FABP6: variants seen among roughly 807,000 people sequenced by gnomAD.
The protein encoded by FABP6 is fatty acid binding protein 6, also known as gastrotropin.
Under a neutral mutation model 14.9 loss-of-function variants are expected in FABP6, and 13 were observed. That is an observed-to-expected ratio of 0.87 (90% CI 0.57 to 1.39). FABP6 has a LOEUF of 1.39. Among genes scored for constraint, FABP6 ranks in the 40% most tolerant of loss-of-function variants. FABP6 has a pLI of 0.00. For synonymous variants in FABP6, 75 were observed against 63.6 expected (o/e 1.18, Z -0.85); for missense variants, 161 against 167.2 (o/e 0.96, Z 0.20).
intron 3 of FABP6, among the ~76,000 whole-genome samples, chr5:160,237,977 C>T (rs959446952): frequency 6.6e-6 from 1 of 152,152 alleles, no homozygotes; most frequent in Non-Finnish European, 1.5e-5. Context: ...GTTTGCTACC[C>T]GCCCTTCTCA....
chr5:160,197,449 C>T (rs567224840), intron 1 of FABP6: 1 of 152,236 alleles, frequency 6.6e-6, no homozygotes, highest in South Asian at 2.1e-4. Flanking sequence ...GTGAATAATA[C>T]TATGTACCTC....
At chr5:160,236,879 G>A (rs1760528480) in intron 3 of FABP6, among the ~76,000 whole-genome samples, 1 of 151,896 alleles carries the variant, frequency 6.6e-6, no homozygotes, top group South Asian at 2.1e-4. Context: ...CTACTTAGGA[G>A]GCTGAGGCAG....
intron 3 of FABP6, among the ~76,000 whole-genome samples, chr5:160,219,795 T>A (rs1224240211): frequency 6.6e-6 from 1 of 152,146 alleles, no homozygotes; most frequent in East Asian, 1.9e-4. Flanking sequence ...GGCCTAGAGC[T>A]TCTCAAGGCT....
chr5:160,203,212 C>T (rs1759684007), intron 2 of FABP6, among the ~76,000 whole-genome samples: 1 of 152,034 alleles, frequency 6.6e-6, no homozygotes, highest in African/African-American at 2.4e-5. Context: ...AGAAGCTGGG[C>T]TTCATAGGCA....
At position 160,202,233 on chromosome 5, in the gene FABP6, G is replaced by A. The variant is rs529183146; in HGVS notation, c.51+3076G>A. Among the ~76,000 whole-genome samples the A allele has an allele frequency of 4.6e-5, 7 of 152,308 alleles. No individual in the cohort carries two copies. In the East Asian group the frequency reaches 1.3e-3, roughly 29 times the overall value. On this transcript the variant is annotated intron_variant, in intron 2 of 6. Coordinates refer to the FABP6 transcript ENST00000393980. The stretch of plus-strand genomic sequence containing the variant: ...TTCATCGAAGTGCCATGAAGGAGAA[G>A]TGGCATGGCAGCATAGAAAAGGGAC...
At chr5:160,202,576 C>T in intron 2 of FABP6, among the ~76,000 whole-genome samples, 1 of 152,084 alleles carries the variant, frequency 6.6e-6, no homozygotes, top group Non-Finnish European at 1.5e-5. Flanking sequence ...GCAGGCAAAT[C>T]ACGAGGTCAG....
chr5:160,221,358 CG>C (rs1274631069), intron 3 of FABP6, among the ~76,000 whole-genome samples: 2 of 152,096 alleles, frequency 1.3e-5, no homozygotes, highest in Non-Finnish European at 1.5e-5. Context: ...TTGGAGGAGG[CG>C]GGGGTGAAGG....
intron 2 of FABP6, among the ~76,000 whole-genome samples, chr5:160,206,144 T>A (rs1439115875): frequency 6.6e-6 from 1 of 152,030 alleles, no homozygotes; most frequent in Non-Finnish European, 1.5e-5. Flanking sequence ...GTATGTATAA[T>A]AAAAGCAGGC....
At chr5:160,194,193 C>T (rs1325504915) in intron 1 of FABP6, among the ~76,000 whole-genome samples, 1 of 152,214 alleles carries the variant, frequency 6.6e-6, no homozygotes, top group Non-Finnish European at 1.5e-5. Context: ...GCTCCCAGTG[C>T]GGGACCCACC....
At chr5:160,212,835 T>C (rs1230786979) in intron 2 of FABP6, among the ~76,000 whole-genome samples, 1 of 152,170 alleles carries the variant, frequency 6.6e-6, no homozygotes, top group Non-Finnish European at 1.5e-5. Context: ...CAGGCTGGTT[T>C]TGAACTGCTG....
chr5:160,215,400 C>T (rs1759988995), intron 3 of FABP6, among the ~76,000 whole-genome samples: 1 of 151,998 alleles, frequency 6.6e-6, no homozygotes, highest in Non-Finnish European at 1.5e-5. Context: ...GTAATCCCAG[C>T]TACTAGGGAG....
At chr5:160,191,263 C>T (rs952698336) in intron 1 of FABP6, among the ~76,000 whole-genome samples, 2 of 151,908 alleles carry the variant, frequency 1.3e-5, no homozygotes, top group Non-Finnish European at 2.9e-5. Context: ...GTCAGGAGTT[C>T]GAGACCAGCC....
At chr5:160,192,091 C>CA (rs1759406274) in intron 1 of FABP6, among the ~76,000 whole-genome samples, 1 of 152,146 alleles carries the variant, frequency 6.6e-6, no homozygotes, top group East Asian at 1.9e-4. Flanking sequence ...CCCTTTCCCT[C>CA]ACCTGACCCC....
chr5:160,190,041 C>T (rs943938412), intron 1 of FABP6, among the ~76,000 whole-genome samples: 4 of 152,186 alleles, frequency 2.6e-5, no homozygotes, highest in Non-Finnish European at 5.9e-5. Flanking sequence ...TGTATTAGAT[C>T]TGCCTTCAGA....
chr5:160,213,337 AG>A (rs1308425741), intron 2 of FABP6, among the ~76,000 whole-genome samples: 1 of 152,244 alleles, frequency 6.6e-6, no homozygotes, highest in Non-Finnish European at 1.5e-5. Flanking sequence ...ACAAATAAGC[AG>A]GGACAAGAGA....
intron 2 of FABP6, among the ~76,000 whole-genome samples, chr5:160,211,570 G>A (rs1759891625): frequency 6.6e-6 from 1 of 152,150 alleles, no homozygotes; most frequent in East Asian, 1.9e-4. Flanking sequence ...GGGACTTTGA[G>A]TCATGAGTGC....
At chr5:160,190,656 A>G (rs1243690746) in intron 1 of FABP6, among the ~76,000 whole-genome samples, 2 of 152,188 alleles carry the variant, frequency 1.3e-5, no homozygotes, top group Non-Finnish European at 2.9e-5. Context: ...AACCAGTTGC[A>G]TGGGCCCTAA....
intron 2 of FABP6, among the ~76,000 whole-genome samples, chr5:160,207,975 TG>T (rs1254121902): frequency 6.6e-6 from 1 of 152,130 alleles, no homozygotes; most frequent in Non-Finnish European, 1.5e-5. Context: ...CTGCCCGCCT[TG>T]GCCTCTCAAA....
upstream of FABP6, among the ~76,000 whole-genome samples, chr5:160,227,818 A>ATGTGTGTGTGTG (rs776387001): frequency 0.019 from 2,435 of 129,898 alleles, 29 homozygotes; most frequent in African/African-American, 0.039. Flanking sequence ...AAAATCCATG[A>ATGTGTGTGTGTG]CGTGTGTGTG....
Sources: gnomAD v4.1 joint callset for allele counts (sites outside exome capture counted in the v4.1 genomes callset) on GRCh38, gnomAD v4.1.1 for gene constraint, MANE v1.5 for transcripts, NCBI Gene and HGNC (gene_info 2026-07-23, HGNC 2026-07-21) for gene names.